Variants in COL6A3 observed in about 807,000 individuals in gnomAD.
COL6A3 encodes the protein collagen type VI alpha 3 chain.
Under a neutral mutation model 274.1 loss-of-function variants are expected in COL6A3, and 137 were observed. That is an observed-to-expected ratio of 0.50 (90% CI 0.44 to 0.58). COL6A3 has a LOEUF of 0.58. Among genes scored for constraint, COL6A3 ranks in the 20% least tolerant of loss-of-function variants. COL6A3 has a pLI of 0.00. For missense variants in COL6A3, 3,950 were observed against 4,124.9 expected (o/e 0.96, Z 1.16); for synonymous variants, 1,650 against 1,650.6 (o/e 1.00, Z 0.01).
rs1197567956 is a variant in COL6A3, at chr2:237,374,077, A to C, written c.3679+335T>G. 1.3e-5 allele frequency among the ~76,000 whole-genome samples: 2 copies of C among 152,214 alleles called. No individual in the cohort carries two copies. The highest frequency in any genetic ancestry group is 6.5e-5 in the Admixed American group (1 of 15,288). ...AGGGGTCGCAGGACTGATACGCAAC[A>C]GGCGTTATCAGTTAGACGGCCCCTC... On this transcript the variant is annotated intron_variant, in intron 8 of 43. Coordinates refer to ENST00000295550, the MANE Select transcript of COL6A3 (RefSeq NM_004369.4). This position sits in a 1 kb window ranked among gnomAD's most constrained non-coding sequence, Gnocchi z 4.8.
intron 38 of COL6A3, among the ~76,000 whole-genome samples, chr2:237,339,330 T>C (rs1022300974): frequency 6.6e-6 from 1 of 152,250 alleles, no homozygotes; most frequent in Non-Finnish European, 1.5e-5. Flanking sequence ...ATATGTTCTA[T>C]TTGGCAATAT....
At chr2:237,401,158 G>A (rs2078579405) in intron 1 of COL6A3, among the ~76,000 whole-genome samples, 1 of 152,170 alleles carries the variant, frequency 6.6e-6, no homozygotes, top group African/African-American at 2.4e-5. Flanking sequence ...ACACAGTGGG[G>A]AAAGGCTAGC....
intron 31 of COL6A3, 140 bp from the exon 32 acceptor site, chr2:237,346,705 A>G: frequency 4.0e-6 from 3 of 752,772 alleles, no homozygotes; most frequent in Non-Finnish European, 6.8e-6. Flanking sequence ...TAAGGGAGCT[A>G]AAATGTCTCT....
chr2:237,367,038 C>T lies in COL6A3; in HGVS notation c.5149G>A (p.Ala1717Thr), dbSNP rs376135795. 6.8e-6 allele frequency: 11 copies of T among 1,614,208 alleles called. No homozygotes were observed. Among genetic ancestry groups the T allele is most frequent in the South Asian group, 2.2e-5 (2 of 91,072 alleles). The change falls in exon 11 of 44, where the codon GCC becomes ACC. Residue 1717 changes from alanine (A) to threonine (T), a missense_variant. Physicochemically the swap from Ala to Thr is moderately conservative, Grantham distance 58 (BLOSUM62 0). This residue lies in a region of COL6A3 where 632 missense variants were observed against 623.4 expected (regional missense o/e 1.01). Coordinates refer to ENST00000295550, the MANE Select transcript of COL6A3 (RefSeq NM_004369.4). Reference sequence around the variant, plus strand: ...TGCTCAAGGCCCACCTTAGTGTTGGCGTGTCTTCCCCCTTTGTAGACCACT... The same window carrying T: ...TGCTCAAGGCCCACCTTAGTGTTGGTGTGTCTTCCCCCTTTGTAGACCACT... ...NKVVYKGGRH[A>T]NTKVGLEHLR...
At chr2:237,349,355 A>G (rs1361568379) in intron 28 of COL6A3, among the ~76,000 whole-genome samples, 1 of 152,228 alleles carries the variant, frequency 6.6e-6, no homozygotes, top group Non-Finnish European at 1.5e-5. Context: ...TGTTGACCCA[A>G]ATTACTAGAA....
rs773438877 is a variant in COL6A3 at position 237,344,479 on chromosome 2, A to G, written c.7539T>C (p.Val2513=). ...RNGFLMRKVA[V]FFSNTPTRAS... ...CTCTTGTGGGTGTGTTGCTGAAGAAAACAGCCACTTTCCTCATTAGGAATC... is the reference window on the plus strand; with the variant it reads ...CTCTTGTGGGTGTGTTGCTGAAGAAGACAGCCACTTTCCTCATTAGGAATC... Residue 2513 remains valine (V), a synonymous_variant, in exon 36 of 44, where the codon GTT becomes GTC. Transcript: ENST00000295550. The surrounding 1 kb of genome is among the most constrained non-coding windows in gnomAD (Gnocchi z 4.8). 1 of 1,614,184 alleles carries G rather than the reference A, an allele frequency of 6.2e-7. No individual in the cohort carries two copies. Among genetic ancestry groups the G allele is most frequent in the Non-Finnish European group, 8.5e-7 (1 of 1,180,030 alleles).
chr2:237,376,756 C>T lies in COL6A3; in HGVS notation c.3070+16G>A. Reference sequence around the variant, plus strand: ...GAGAACTGAGTGGCAGAGCAACTAGCATTTCTCTACCATACCTGGTGCTGG... The same window carrying T: ...GAGAACTGAGTGGCAGAGCAACTAGTATTTCTCTACCATACCTGGTGCTGG... On this transcript the variant is annotated intron_variant, in intron 7 of 43. Transcript: ENST00000295550. The T allele has an allele frequency of 1.9e-6, 3 of 1,612,192 alleles. No homozygotes were observed. The highest frequency in any genetic ancestry group is 1.1e-5 in the South Asian group (1 of 90,998).
rs749556880 is a variant in COL6A3, at chr2:237,369,124, C to T, written c.4339G>A (p.Val1447Ile). 5.6e-6 allele frequency: 9 copies of T among 1,613,968 alleles called. No individual in the cohort carries two copies. The highest frequency in any genetic ancestry group is 7.6e-6 in the Non-Finnish European group (9 of 1,180,060). Residue 1447 changes from valine to isoleucine, a missense_variant, in exon 10 of 44, where the codon GTT becomes ATT. Coordinates refer to ENST00000295550, the MANE Select transcript of COL6A3 (RefSeq NM_004369.4). Reference sequence around the variant, plus strand: ...ATATGTGCAAAGCCATCTGGCCTAACTCCCTCAGAGCTGTCGATCAGAAAG... The same window carrying T: ...ATATGTGCAAAGCCATCTGGCCTAATTCCCTCAGAGCTGTCGATCAGAAAG... ...IVFLIDSSEG[V>I]RPDGFAHIRD... is the part of the protein sequence containing the mutation.
At chr2:237,337,738 C>A (rs1700621902) in intron 39 of COL6A3, among the ~76,000 whole-genome samples, 1 of 152,218 alleles carries the variant, frequency 6.6e-6, no homozygotes, top group Non-Finnish European at 1.5e-5. Flanking sequence ...AGCCACATCA[C>A]CCCAGCTAGC....
At position 237,359,071 on chromosome 2, in the gene COL6A3, A is replaced by G. The variant is rs894679602; in HGVS notation, c.6372T>C (p.Pro2124=). Residue 2124 remains proline (P), a synonymous_variant, in exon 20 of 44, where the codon CCT becomes CCC. Transcript: ENST00000295550. The stretch of plus-strand genomic sequence containing the variant: ...GATTCCCTTTCTCTCCAGAAGAACC[A>G]GGCAATCCTTTGTCTCCCTGCCAAA... ...LDGEDGDKGL[P]GSSGEKGNPG... 1.8e-5 allele frequency: 29 copies of G among 1,614,084 alleles called. No individual in the cohort carries two copies. Among genetic ancestry groups the G allele is most frequent in the Non-Finnish European group, 2.5e-5 (29 of 1,180,000 alleles).
chr2:237,379,599 G>A (rs2077949736), intron 5 of COL6A3, among the ~76,000 whole-genome samples: 1 of 152,182 alleles, frequency 6.6e-6, no homozygotes, highest in Non-Finnish European at 1.5e-5. Context: ...ATCCCAGCCA[G>A]GTTTAAGTTT....
intron 38 of COL6A3, 62 bp downstream of exon 38, chr2:237,340,390 C>G: frequency 2.0e-6 from 3 of 1,490,502 alleles, no homozygotes; most frequent in Non-Finnish European, 2.8e-6. Context: ...ACTGTTCCTA[C>G]ACTTCTCCTG....
chr2:237,351,262 G>A, intron 26 of COL6A3, 70 bp from the exon 27 acceptor site: 3 of 1,455,250 alleles, frequency 2.1e-6, no homozygotes, highest in Non-Finnish European at 2.9e-6. Flanking sequence ...TCTGAAACCT[G>A]ACTCTCCCCT....
In COL6A3 at chr2:237,368,453, G is replaced by A; in HGVS notation, c.4900+110C>T. The A allele has an allele frequency of 2.2e-6, 3 of 1,350,046 alleles. No individual in the cohort carries two copies. The highest frequency in any genetic ancestry group is 3.0e-6 in the Non-Finnish European group (3 of 993,714). 83.6% of individuals were successfully genotyped at this position (1,350,046 alleles called of 1,614,324 possible). On this transcript the variant is annotated intron_variant, in intron 10 of 43. Transcript: ENST00000295550. This position sits in a 1 kb window ranked among gnomAD's most constrained non-coding sequence, Gnocchi z 4.4. ...TATTTAATTTCTAATATTATCTGAA[G>A]AAACAACCCAGAGAGAAGAAAATTA... is the stretch of plus-strand genomic sequence containing the variant.
chr2:237,407,687 A>G lies in COL6A3; in HGVS notation c.-31+6266T>C, dbSNP rs1192911208. Among the ~76,000 whole-genome samples the G allele has an allele frequency of 6.6e-6, 1 of 152,234 alleles. No homozygotes were observed. The highest frequency in any genetic ancestry group is 6.5e-5 in the Admixed American group (1 of 15,288). On this transcript the variant is annotated intron_variant, in intron 1 of 43. Transcript: ENST00000295550. This position sits in a 1 kb window ranked among gnomAD's most constrained non-coding sequence, Gnocchi z 4.3. ...CATATTCCTAGCATTGCAGATAATAACCATGAGGCAGAAAGTTCCATATCT... is the reference window on the plus strand; with the variant it reads ...CATATTCCTAGCATTGCAGATAATAGCCATGAGGCAGAAAGTTCCATATCT...
intron 1 of COL6A3, among the ~76,000 whole-genome samples, chr2:237,403,121 A>G (rs2078633555): frequency 6.6e-6 from 1 of 152,126 alleles, no homozygotes; most frequent in Non-Finnish European, 1.5e-5. Context: ...CAAGGACAGG[A>G]GCTAAGTGGG....
intron 1 of COL6A3, among the ~76,000 whole-genome samples, chr2:237,399,090 G>T (rs1231864626): frequency 6.6e-6 from 1 of 152,156 alleles, no homozygotes; most frequent in Non-Finnish European, 1.5e-5. Flanking sequence ...AATAGCACCT[G>T]CCACACTGAG....
intron 6 of COL6A3, 134 bp downstream of exon 6, chr2:237,378,502 T>C: frequency 7.5e-7 from 1 of 1,337,400 alleles, no homozygotes; most frequent in Non-Finnish European, 1.1e-6. Context: ...AAGTCCCCAT[T>C]CAAACTATTT....
At chr2:237,370,712 T>C (rs1451966698) in intron 9 of COL6A3, among the ~76,000 whole-genome samples, 1 of 152,218 alleles carries the variant, frequency 6.6e-6, no homozygotes, top group Non-Finnish European at 1.5e-5. Context: ...ATTTACGGTG[T>C]AAATGCAGCA....
Sources: gnomAD v4.1 joint callset for allele counts (sites outside exome capture counted in the v4.1 genomes callset) on GRCh38, gnomAD v4.1.1 for gene constraint, gnomAD v4.1.1 regional missense constraint, Gnocchi (gnomAD v3.1) non-coding constraint, MANE v1.5 for transcripts, NCBI Gene and HGNC (gene_info 2026-07-23, HGNC 2026-07-21) for gene names.